The following CDC40 variants were observed in gnomAD, a reference collection of about 807,000 sequenced individuals.
CDC40 encodes the protein pre-mRNA-processing factor 17.
In CDC40, 27 loss-of-function variants were observed where a neutral mutation model predicts 80.6. The ratio of observed to expected loss-of-function variants is 0.33; its 90% CI spans 0.25 to 0.46. The LOEUF (loss-of-function observed/expected upper bound fraction) is 0.46. Ranked by LOEUF, CDC40 falls within the 20% of genes least tolerant of loss-of-function variation. The pLI is 1.00. For missense variants in CDC40, 486 were observed against 694.1 expected (o/e 0.70, Z 3.37); for synonymous variants, 221 against 232.6 (o/e 0.95, Z 0.45).
chr6:110,206,012 A>C (rs908141794), intron 3 of CDC40, among the ~76,000 whole-genome samples: 2 of 152,200 alleles, frequency 1.3e-5, no homozygotes, highest in African/African-American at 4.8e-5. Flanking sequence ...GCTAATAGCC[A>C]GGTGGTTGGT....
chr6:110,180,769 TC>T, intron 1 of CDC40, 136 bp downstream of exon 1: 1 of 650,678 alleles, frequency 1.5e-6, no homozygotes, highest in Non-Finnish European at 2.6e-6. Context: ...TTCTTCTCCT[TC>T]CCACATGCAT....
intron 8 of CDC40, among the ~76,000 whole-genome samples, chr6:110,214,649 A>G (rs151298297): frequency 1.3e-5 from 2 of 152,352 alleles, no homozygotes; most frequent in African/African-American, 4.8e-5. Context: ...TATTGGCACC[A>G]GTGGCAAGGA....
chr6:110,191,116 T>A (rs1777344003), intron 1 of CDC40, among the ~76,000 whole-genome samples: 1 of 152,218 alleles, frequency 6.6e-6, no homozygotes, highest in Non-Finnish European at 1.5e-5. Context: ...GTTGCCTGTT[T>A]TGATACAGGG....
At chr6:110,182,631 C>A (rs1316178687) in intron 1 of CDC40, among the ~76,000 whole-genome samples, 1 of 152,208 alleles carries the variant, frequency 6.6e-6, no homozygotes, top group Non-Finnish European at 1.5e-5. Context: ...TTCACTGGTG[C>A]AGGCTTCATA....
At position 110,216,783 on chromosome 6, in the gene CDC40, T is replaced by C. The variant is rs531062364; in HGVS notation, c.989-919T>C. 1.1e-4 allele frequency among the ~76,000 whole-genome samples: 17 copies of C among 152,338 alleles called. No individual in the cohort carries two copies. The South Asian group carries it at 3.3e-3, about 30-fold the overall frequency. On this transcript the variant is annotated intron_variant, in intron 9 of 14. Coordinates refer to ENST00000307731, the MANE Select transcript of CDC40 (RefSeq NM_015891.3). ...ACATTTTTGCTTTTGTTTAGCCACATTTTATTTTTCCCTGTAACTTTTAAA... is the reference window on the plus strand; with the variant it reads ...ACATTTTTGCTTTTGTTTAGCCACACTTTATTTTTCCCTGTAACTTTTAAA...
intron 4 of CDC40, among the ~76,000 whole-genome samples, chr6:110,208,716 TTC>T (rs1252253208): frequency 6.6e-6 from 1 of 152,212 alleles, no homozygotes; most frequent in Non-Finnish European, 1.5e-5. Context: ...AATAATGAGT[TTC>T]TGAGTTTTTT....
chr6:110,184,811 C>G (rs1777243557), intron 1 of CDC40, among the ~76,000 whole-genome samples: 1 of 152,050 alleles, frequency 6.6e-6, no homozygotes, highest in Non-Finnish European at 1.5e-5. Flanking sequence ...ATAGAAGGTT[C>G]AGTTCACAAA....
At chr6:110,219,203 T>C (rs890314205) in intron 10 of CDC40, among the ~76,000 whole-genome samples, 161 bp from the exon 11 acceptor site, 2 of 152,138 alleles carry the variant, frequency 1.3e-5, no homozygotes, top group African/African-American at 4.8e-5. Flanking sequence ...TTTTAATCAT[T>C]AAAAATCTGT....
At chr6:110,186,273 A>G (rs577762042) in intron 1 of CDC40, among the ~76,000 whole-genome samples, 20 of 152,306 alleles carry the variant, frequency 1.3e-4, no homozygotes, top group African/African-American at 4.1e-4. Context: ...CGAGGTGGGC[A>G]GATCCCCTGA....
chr6:110,230,399 A>G lies in CDC40; in HGVS notation c.*268A>G, dbSNP rs1217948733. On this transcript the variant is annotated 3_prime_UTR_variant, in exon 15 of 15. Coordinates refer to ENST00000307731, the MANE Select transcript of CDC40 (RefSeq NM_015891.3). The stretch of plus-strand genomic sequence containing the variant: ...CAAGCAGTTTGAGTTTATACTCATG[A>G]CATACTGAAAGCATCTCTTTGGGGT... The G allele has an allele frequency of 3.2e-6, 1 of 309,738 alleles. No individual in the cohort carries two copies. Among genetic ancestry groups the G allele is most frequent in the African/African-American group, 2.2e-5 (1 of 44,656 alleles). 19.2% of individuals were successfully genotyped at this position (309,738 alleles called of 1,614,324 possible).
In CDC40 at chr6:110,228,992, C is replaced by G. The variant is rs544285916; in HGVS notation, c.1562+16C>G. On this transcript the variant is annotated intron_variant, in intron 14 of 14. Coordinates refer to ENST00000307731, the MANE Select transcript of CDC40 (RefSeq NM_015891.3). ...CAGACATGAGGTAAGTTTAAATCTT[C>G]TAATCCATTCTCGTATTCAAATATG... 1.3e-6 allele frequency: 2 copies of G among 1,579,346 alleles called. No homozygotes were observed. The highest frequency in any genetic ancestry group is 1.7e-6 in the Non-Finnish European group (2 of 1,162,718).
At chr6:110,194,183 T>C (rs1206554473) in intron 2 of CDC40, among the ~76,000 whole-genome samples, 1 of 152,236 alleles carries the variant, frequency 6.6e-6, no homozygotes, top group Non-Finnish European at 1.5e-5. Context: ...ATATTTTGCC[T>C]TTTAAAATGG....
At chr6:110,218,708 AG>A (rs537813683) in intron 10 of CDC40, among the ~76,000 whole-genome samples, 12 of 152,310 alleles carry the variant, frequency 7.9e-5, no homozygotes, top group Admixed American at 5.9e-4. Flanking sequence ...GCTATAGACT[AG>A]ATGATTGTAC....
intron 3 of CDC40, among the ~76,000 whole-genome samples, chr6:110,204,740 A>C (rs1452779034): frequency 6.8e-6 from 1 of 147,832 alleles, no homozygotes; most frequent in East Asian, 2.0e-4. Context: ...GCTCACTGCA[A>C]CCTCTACCTC....
intron 8 of CDC40, among the ~76,000 whole-genome samples, chr6:110,214,545 A>G (rs887491536): frequency 1.3e-5 from 2 of 152,192 alleles, no homozygotes; most frequent in Admixed American, 1.3e-4. Flanking sequence ...CTGGAGCATA[A>G]CATCTAAGAG....
rs1201450184 is a variant in CDC40 at position 110,230,295 on chromosome 6, A to C, written c.*164A>C. 3.6e-6 allele frequency: 2 copies of C among 550,540 alleles called. No homozygotes were observed. The highest frequency in any genetic ancestry group is 6.3e-6 in the Non-Finnish European group (2 of 319,344). 34.1% of individuals were successfully genotyped at this position (550,540 alleles called of 1,614,324 possible). Reference sequence around the variant, plus strand: ...TAAATTTGACATAATTTCATTTGCAACTTCATTTTGTTTTTTATAAATGTT... The same window carrying C: ...TAAATTTGACATAATTTCATTTGCACCTTCATTTTGTTTTTTATAAATGTT... On this transcript the variant is annotated 3_prime_UTR_variant, in exon 15 of 15. Transcript: ENST00000307731.
intron 13 of CDC40, 124 bp from the exon 14 acceptor site, chr6:110,228,708 T>G: frequency 3.0e-6 from 2 of 658,150 alleles, no homozygotes; most frequent in Non-Finnish European, 4.8e-6. Context: ...GTAAATTTAT[T>G]TTTTAGTATT....
intron 5 of CDC40, 30 bp from the exon 6 acceptor site, chr6:110,210,677 A>AT (rs777520857): frequency 9.0e-6 from 12 of 1,335,144 alleles, no homozygotes; most frequent in Non-Finnish European, 8.1e-6. Context: ...TAGAACATTC[A>AT]TTTTAAATTT....
intron 11 of CDC40, 41 bp downstream of exon 11, chr6:110,219,520 A>G: frequency 3.3e-6 from 4 of 1,216,914 alleles, no homozygotes; most frequent in Non-Finnish European, 4.9e-6. Context: ...CCTAAGCTTT[A>G]TGTTGTATAA....
Sources: allele counts gnomAD v4.1 joint callset (sites outside exome capture counted in the v4.1 genomes callset), GRCh38; gene constraint gnomAD v4.1.1; transcripts MANE v1.5; gene names NCBI Gene and HGNC (gene_info 2026-07-23, HGNC 2026-07-21).